Variants in LEKR1 observed in about 807,000 individuals in gnomAD.
LEKR1 encodes leucine, glutamate and lysine rich 1.
In LEKR1, 59 loss-of-function variants were observed where a neutral mutation model predicts 72.4. The ratio of observed to expected loss-of-function variants is 0.82; its 90% CI spans 0.66 to 1.01. LEKR1 has a LOEUF of 1.01. LEKR1 is among the 50% of genes least tolerant of loss of function. LEKR1 has a pLI of 0.00. For synonymous variants in LEKR1, 257 were observed against 263.2 expected, an observed-to-expected ratio of 0.98 and a Z score of 0.23; for missense variants, 728 against 759.2, an observed-to-expected ratio of 0.96 and a Z score of 0.48.
chr3:157,035,162 A>T (rs1287021565), intron 12 of LEKR1, among the ~76,000 whole-genome samples: 2 of 152,186 alleles, frequency 1.3e-5, no homozygotes, highest in African/African-American at 4.8e-5. Flanking sequence ...TGTAAACATA[A>T]TTTTTATATG....
rs578195471 is a variant in LEKR1, at chr3:156,927,896, G to T, written c.559+292G>T. 3.3e-5 allele frequency among the ~76,000 whole-genome samples: 5 copies of T among 151,980 alleles called. No homozygotes were observed. The South Asian group carries it at 8.3e-4, about 25-fold the overall frequency. Reference sequence around the variant, plus strand: ...CTCCTCTTCTCTTAATGACTGAGTAGCTCATATTAGGTCAGCCTTCTTATA... The same window carrying T: ...CTCCTCTTCTCTTAATGACTGAGTATCTCATATTAGGTCAGCCTTCTTATA... On this transcript the variant is annotated intron_variant, in intron 5 of 12. Transcript: ENST00000356539.
intron 3 of LEKR1, among the ~76,000 whole-genome samples, chr3:156,899,601 C>A (rs568437793): frequency 8.7e-6 from 1 of 115,332 alleles, no homozygotes; most frequent in Admixed American, 8.3e-5. Flanking sequence ...TATACATATA[C>A]GTATATATAC....
At chr3:156,875,790 T>C (rs138787614) in intron 3 of LEKR1, among the ~76,000 whole-genome samples, 23,809 of 151,802 alleles carry the variant, frequency 0.16, 2,140 homozygotes, top group South Asian at 0.25. Context: ...GGTCAGGAGA[T>C]TGAGACCATC....
chr3:156,843,523 A>G (rs1243501496), intron 2 of LEKR1, among the ~76,000 whole-genome samples: 1 of 152,188 alleles, frequency 6.6e-6, no homozygotes, highest in East Asian at 1.9e-4. Context: ...AGAAGTAGCG[A>G]TACAAGGGCT....
chr3:156,984,251 TCTCA>T (rs1381047505), intron 7 of LEKR1, among the ~76,000 whole-genome samples: 2 of 152,232 alleles, frequency 1.3e-5, no homozygotes, highest in Non-Finnish European at 2.9e-5. Flanking sequence ...GAAATTCTTA[TCTCA>T]CTCTATTATA....
At chr3:156,882,183 A>G (rs1457593621) in intron 3 of LEKR1, among the ~76,000 whole-genome samples, 17 of 151,854 alleles carry the variant, frequency 1.1e-4, no homozygotes, top group African/African-American at 2.7e-4. Flanking sequence ...CTTCTGCACA[A>G]CAAAAGAAAC....
chr3:156,879,306 T>C (rs1036695089), intron 3 of LEKR1, among the ~76,000 whole-genome samples: 1 of 152,202 alleles, frequency 6.6e-6, no homozygotes, highest in Non-Finnish European at 1.5e-5. Context: ...AAGGTTATTC[T>C]TGCTATGTCT....
chr3:156,961,870 T>C (rs1196766667), intron 6 of LEKR1, among the ~76,000 whole-genome samples: 1 of 152,260 alleles, frequency 6.6e-6, no homozygotes, highest in Non-Finnish European at 1.5e-5. Flanking sequence ...TAAAGAACTA[T>C]ATATTCAAAT....
chr3:156,980,591 G>C (rs759327466), intron 7 of LEKR1, among the ~76,000 whole-genome samples: 2 of 151,974 alleles, frequency 1.3e-5, no homozygotes, highest in African/African-American at 2.4e-5. Context: ...CGTTGTTGCT[G>C]TCCCTCTAAT....
intron 5 of LEKR1, among the ~76,000 whole-genome samples, chr3:156,939,726 T>C (rs1726031399): frequency 6.6e-6 from 1 of 152,156 alleles, no homozygotes; most frequent in African/African-American, 2.4e-5. Context: ...AATGAAGTTT[T>C]TATAGATGAA....
At chr3:156,882,705 A>G (rs1166933638) in intron 3 of LEKR1, among the ~76,000 whole-genome samples, 3 of 152,198 alleles carry the variant, frequency 2.0e-5, no homozygotes, top group Non-Finnish European at 4.4e-5. Flanking sequence ...ATGCACACGT[A>G]TTTTTATTGC....
intron 3 of LEKR1, among the ~76,000 whole-genome samples, chr3:156,891,743 C>G (rs1425170906): frequency 6.6e-6 from 1 of 152,076 alleles, no homozygotes; most frequent in Non-Finnish European, 1.5e-5. Context: ...GTATAGACTT[C>G]CACCACCATT....
At chr3:157,018,287 T>C (rs1434060937) in intron 10 of LEKR1, among the ~76,000 whole-genome samples, 3 of 152,158 alleles carry the variant, frequency 2.0e-5, no homozygotes, top group Non-Finnish European at 4.4e-5. Flanking sequence ...ATGGTATAAA[T>C]TTATTAACAG....
At chr3:157,038,993 T>G (rs1735162732) in intron 12 of LEKR1, among the ~76,000 whole-genome samples, 1 of 152,218 alleles carries the variant, frequency 6.6e-6, no homozygotes, top group African/African-American at 2.4e-5. Flanking sequence ...TAAAGGACTA[T>G]AGATCTGTAT....
At chr3:156,830,409 T>C (rs907587571) in intron 2 of LEKR1, among the ~76,000 whole-genome samples, 1 of 152,182 alleles carries the variant, frequency 6.6e-6, no homozygotes, top group African/African-American at 2.4e-5. Flanking sequence ...AGTCATGACA[T>C]TACAAAGAAA....
chr3:156,878,951 G>A (rs753159030), intron 3 of LEKR1, among the ~76,000 whole-genome samples: 27 of 152,030 alleles, frequency 1.8e-4, no homozygotes, highest in Admixed American at 8.5e-4. Flanking sequence ...CTTTCGCTGT[G>A]ATTAAACAGT....
intron 9 of LEKR1, among the ~76,000 whole-genome samples, chr3:157,002,554 C>T (rs1348443458): frequency 6.6e-6 from 1 of 152,086 alleles, no homozygotes; most frequent in Non-Finnish European, 1.5e-5. Context: ...TATAACATCA[C>T]GTATAATTAT....
chr3:157,015,608 A>C (rs934092386), intron 10 of LEKR1, among the ~76,000 whole-genome samples: 5 of 152,204 alleles, frequency 3.3e-5, no homozygotes, highest in Non-Finnish European at 7.4e-5. Flanking sequence ...GCTCAAGAAT[A>C]TTCATAGGAA....
At chr3:156,855,592 G>T (rs973370798) in intron 3 of LEKR1, among the ~76,000 whole-genome samples, 7 of 151,900 alleles carry the variant, frequency 4.6e-5, no homozygotes, top group African/African-American at 1.7e-4. Flanking sequence ...TTTTTTTGCT[G>T]TATCTTTTAA....
Sources: gnomAD v4.1 joint callset for allele counts (sites outside exome capture counted in the v4.1 genomes callset) on GRCh38, gnomAD v4.1.1 for gene constraint, MANE v1.5 for transcripts, NCBI Gene and HGNC (gene_info 2026-07-23, HGNC 2026-07-21) for gene names.